PHKA1: variants seen among roughly 807,000 people sequenced by gnomAD.
PHKA1 encodes phosphorylase kinase regulatory subunit alpha 1.
In PHKA1, 60 loss-of-function variants were observed where a neutral mutation model predicts 110.2. The observed-to-expected ratio is 0.54, with a 90% CI of 0.44 to 0.68. The LOEUF (loss-of-function observed/expected upper bound fraction) is 0.68, where lower values mean the gene tolerates loss of function less well. PHKA1 is among the 30% of genes least tolerant of loss of function. PHKA1 has a pLI of 0.00. For synonymous variants in PHKA1, 316 were observed against 333.6 expected (o/e 0.95, Z 0.58); for missense variants, 801 against 942.5 (o/e 0.85, Z 1.97).
At chrX:72,706,237 T>TA (rs1569453853) in intron 2 of PHKA1, among the ~76,000 whole-genome samples, 1 of 112,054 alleles carries the variant, frequency 8.9e-6, no homozygotes, top group Admixed American at 9.5e-5. Context: ...AGAGTCCCCT[T>TA]TCTTAAGTCA....
intron 28 of PHKA1, among the ~76,000 whole-genome samples, chrX:72,601,786 G>C (rs2052660506): frequency 9.0e-6 from 1 of 111,344 alleles, no homozygotes; most frequent in South Asian, 3.8e-4. Context: ...CTTATTATCA[G>C]ATGCAAGTTA....
At chrX:72,605,992 T>C (rs1195241810) in intron 23 of PHKA1, among the ~76,000 whole-genome samples, 2 of 112,569 alleles carry the variant, frequency 1.8e-5, no homozygotes, top group African/African-American at 6.5e-5. Context: ...TTTTTTGTAA[T>C]ACACAATGTT....
At chrX:72,700,375 C>T (rs2054190026) in intron 3 of PHKA1, among the ~76,000 whole-genome samples, 1 of 111,839 alleles carries the variant, frequency 8.9e-6, no homozygotes, top group Non-Finnish European at 1.9e-5. Flanking sequence ...TCCTTTAAGA[C>T]ATTAGGTTCC....
chrX:72,694,746 C>T (rs1556326002), intron 4 of PHKA1, among the ~76,000 whole-genome samples: 1 of 111,838 alleles, frequency 8.9e-6, no homozygotes, highest in Admixed American at 9.5e-5. Context: ...CTCTTTGATA[C>T]ATTTCTGCTT....
intron 13 of PHKA1, among the ~76,000 whole-genome samples, chrX:72,648,830 T>C (rs1034539847): frequency 8.9e-6 from 1 of 112,335 alleles, no homozygotes; most frequent in Admixed American, 9.4e-5. Flanking sequence ...TTCAGGTATC[T>C]GAAGTGAAAG....
At chrX:72,702,128 G>A (rs2054212556) in intron 3 of PHKA1, among the ~76,000 whole-genome samples, 1 of 110,968 alleles carries the variant, frequency 9.0e-6, no homozygotes, top group Admixed American at 9.6e-5. Flanking sequence ...GGGAACTGAA[G>A]CCAGACAACT....
intron 23 of PHKA1, among the ~76,000 whole-genome samples, chrX:72,608,560 T>G (rs923354060): frequency 9.0e-6 from 1 of 111,210 alleles, no homozygotes; most frequent in African/African-American, 3.3e-5. Flanking sequence ...CCAGAGCACT[T>G]TAAGCCCGCG....
At chrX:72,585,460 T>A (rs928935404) in intron 29 of PHKA1, among the ~76,000 whole-genome samples, 4 of 112,126 alleles carry the variant, frequency 3.6e-5, no homozygotes, top group African/African-American at 1.3e-4. Flanking sequence ...CATTTCAAGA[T>A]GGCCAAATAG....
chrX:72,664,295 T>C (rs1414071718), intron 8 of PHKA1, among the ~76,000 whole-genome samples: 2 of 110,934 alleles, frequency 1.8e-5, no homozygotes, highest in Non-Finnish European at 3.8e-5. Context: ...TTATATCAGA[T>C]AAAATAGGCT....
intron 6 of PHKA1, among the ~76,000 whole-genome samples, chrX:72,669,354 T>A (rs185317098): frequency 9.0e-6 from 1 of 111,272 alleles, no homozygotes; most frequent in Non-Finnish European, 1.9e-5. Context: ...TTTCTTTTTT[T>A]TTGTTGTTGT....
chrX:72,630,706 C>T lies in PHKA1; in HGVS notation c.1715-3657G>A, dbSNP rs1007842730. Among the ~76,000 whole-genome samples, 5 of 110,377 alleles carry T rather than the reference C, an allele frequency of 4.5e-5. No individual in the cohort carries two copies. The Admixed American group carries it at 4.9e-4, about 11-fold the overall frequency. ...GGTATTGTTTCTTTCTGGCCACTTT[C>T]AAGATATTTCTTCTTTAATGTTCAA... On this transcript the variant is annotated intron_variant, in intron 16 of 31. Coordinates refer to ENST00000373542, the MANE Select transcript of PHKA1 (RefSeq NM_002637.4).
intron 4 of PHKA1, among the ~76,000 whole-genome samples, chrX:72,688,095 G>A (rs1281377019): frequency 9.0e-6 from 1 of 111,064 alleles, no homozygotes; most frequent in Non-Finnish European, 1.9e-5. Context: ...CCAAAGTGCT[G>A]GGATTACAGG....
chrX:72,611,964 T>G (rs2052816800), intron 21 of PHKA1, among the ~76,000 whole-genome samples: 1 of 111,947 alleles, frequency 8.9e-6, no homozygotes, highest in South Asian at 3.7e-4. Flanking sequence ...AATCCAGCAT[T>G]TCCACTACTA....
Position 72,611,037 on chromosome X carries a change from T to G in PHKA1, c.2517A>C (p.Ala839=). The part of the protein sequence containing the change: ...ISGILRKKVE[A]LDEACTDLLS... ...CAAGAATTTATAGTACCTCATCAAG[T>G]GCTTCCACTTTCTTCCTTAAGATCC... The change falls in exon 22 of 32, where the codon GCA becomes GCC. Residue 839 remains alanine, a synonymous_variant. Transcript: ENST00000373542. 8.3e-7 allele frequency: 1 copy of G among 1,203,749 alleles called. No homozygotes were observed. The highest frequency in any genetic ancestry group is 1.7e-5 in the African/African-American group (1 of 57,653).
At position 72,626,976 on chromosome X, in the gene PHKA1, C is replaced by G; in HGVS notation, c.1788G>C (p.Gly596=). The change falls in exon 17 of 32, where the codon GGG becomes GGC. Residue 596 remains glycine (G), a synonymous_variant. Coordinates refer to ENST00000373542, the MANE Select transcript of PHKA1 (RefSeq NM_002637.4). ...LRKMQDGYFG[G]ARVQTGKLSE... is the part of the protein sequence containing the mutation. ...AGTGTATAGAGGTCACTTACCTTGC[C>G]CCACCAAAATACCCATCTTGCATTT... The G allele has an allele frequency of 5.0e-6, 6 of 1,201,936 alleles. No individual in the cohort carries two copies. Among genetic ancestry groups the G allele is most frequent in the Non-Finnish European group, 6.8e-6 (6 of 886,659 alleles).
At chrX:72,616,584 A>G (rs1556269665) in intron 21 of PHKA1, among the ~76,000 whole-genome samples, 1 of 111,727 alleles carries the variant, frequency 9.0e-6, no homozygotes, top group East Asian at 2.8e-4. Flanking sequence ...ATTTTCAGTA[A>G]TGGACAGATC....
At chrX:72,641,179 T>C (rs186652526) in intron 14 of PHKA1, among the ~76,000 whole-genome samples, 1 of 111,909 alleles carries the variant, frequency 8.9e-6, no homozygotes, top group East Asian at 2.8e-4. Flanking sequence ...GTATATTTTA[T>C]ATCTTAGTTA....
intron 3 of PHKA1, among the ~76,000 whole-genome samples, chrX:72,699,761 A>G (rs782602382): frequency 1.6e-4 from 18 of 111,193 alleles, no homozygotes; most frequent in Non-Finnish European, 1.7e-4. Flanking sequence ...CACTAACAGC[A>G]ATTAAAGCCT....
At chrX:72,695,209 T>A (rs937702814) in intron 4 of PHKA1, among the ~76,000 whole-genome samples, 6 of 111,672 alleles carry the variant, frequency 5.4e-5, no homozygotes, top group Admixed American at 1.9e-4. Context: ...GTCCCATTAC[T>A]TTTATAAACT....
Sources: allele counts gnomAD v4.1 joint callset (sites outside exome capture counted in the v4.1 genomes callset), GRCh38; gene constraint gnomAD v4.1.1; transcripts MANE v1.5; gene names NCBI Gene and HGNC (gene_info 2026-07-23, HGNC 2026-07-21).